TOP1: variants seen among roughly 807,000 people sequenced by gnomAD.
The protein encoded by TOP1 is DNA topoisomerase I.
In TOP1, 10 loss-of-function variants were observed where a neutral mutation model predicts 111.1. The observed-to-expected ratio is 0.09, with a 90% confidence interval of 0.06 to 0.15. The LOEUF (loss-of-function observed/expected upper bound fraction) is 0.15, where lower values mean the gene tolerates loss of function less well. Ranked by LOEUF, TOP1 falls within the 10% of genes least tolerant of loss-of-function variation. The probability of loss-of-function intolerance (pLI) is 1.00; values close to 1 mark genes in which losing one functional copy is unlikely to be tolerated. For synonymous variants in TOP1, 271 were observed against 302.9 expected (o/e 0.89, Z 1.10); for missense variants, 474 against 926.7 (o/e 0.51, Z 6.34).
In TOP1 at chr20:41,095,349, T is replaced by A. The variant is rs1352365273; in HGVS notation, c.731-1871T>A. Among the ~76,000 whole-genome samples, 3 of 151,606 alleles carry A rather than the reference T, an allele frequency of 2.0e-5. No homozygotes were observed. The highest frequency in any genetic ancestry group is 4.4e-5 in the Non-Finnish European group (3 of 67,894). ...ATGTGAACCACCATGCTCAGCCACA[T>A]TTTTTTTTAAATGGTGTTAACAGTT... On this transcript the variant is annotated intron_variant, in intron 9 of 20. Transcript: ENST00000361337. This position sits in a 1 kb window ranked among gnomAD's most constrained non-coding sequence, Gnocchi z 4.6.
At position 41,080,030 on chromosome 20, in the gene TOP1, A is replaced by G. The variant is rs150783821; in HGVS notation, c.336-55A>G. 221 of 1,020,260 alleles carry G rather than the reference A, an allele frequency of 2.2e-4. No individual in the cohort carries two copies. Among genetic ancestry groups the G allele is most frequent in the Middle Eastern group, 1.9e-3 (7 of 3,640 alleles). The allele number at this position is 1,020,260 out of a possible 1,614,324, so 63.2% of individuals were successfully genotyped here. On this transcript the variant is annotated intron_variant, in intron 5 of 20. Transcript: ENST00000361337. The surrounding 1 kb of genome is among the most constrained non-coding windows in gnomAD (Gnocchi z 5.0). ...ACGAAATGACATATTCCTTCTTTGTATTAATAGAATACAGATGTTCTAGCA... is the reference window on the plus strand; with the variant it reads ...ACGAAATGACATATTCCTTCTTTGTGTTAATAGAATACAGATGTTCTAGCA...
At chr20:41,120,943 G>A (rs868799753) in intron 18 of TOP1, among the ~76,000 whole-genome samples, 7 of 152,062 alleles carry the variant, frequency 4.6e-5, no homozygotes, top group Non-Finnish European at 8.8e-5. Context: ...GGGTTTCACC[G>A]TGTTAGCCAG....
intron 2 of TOP1, among the ~76,000 whole-genome samples, chr20:41,056,340 T>C (rs935656239): frequency 6.6e-6 from 1 of 152,182 alleles, no homozygotes; most frequent in African/African-American, 2.4e-5. Flanking sequence ...TTCTCAGCAG[T>C]AATATAAATT....
rs1232433760 is a variant in TOP1, at chr20:41,078,226, C to T, written c.335+589C>T. 6.6e-6 allele frequency among the ~76,000 whole-genome samples: 1 copy of T among 152,124 alleles called. No individual in the cohort carries two copies. The highest frequency in any genetic ancestry group is 2.4e-5 in the African/African-American group (1 of 41,440). Reference sequence around the variant, plus strand: ...GAAAATGCGCAAAATCTAGAGGTTACTTCCTATACTGTTTTTACCTTTATA... The same window carrying T: ...GAAAATGCGCAAAATCTAGAGGTTATTTCCTATACTGTTTTTACCTTTATA... On this transcript the variant is annotated intron_variant, in intron 5 of 20. Transcript: ENST00000361337. This position sits in a 1 kb window ranked among gnomAD's most constrained non-coding sequence, Gnocchi z 5.3.
intron 13 of TOP1, among the ~76,000 whole-genome samples, chr20:41,104,037 T>A (rs1203510000): frequency 6.6e-6 from 1 of 152,152 alleles, no homozygotes; most frequent in South Asian, 2.1e-4. Flanking sequence ...TCAAGACAAC[T>A]CCACTGTTCA....
At position 41,098,164 on chromosome 20, in the gene TOP1, T is replaced by C. The variant is rs780248891; in HGVS notation, c.853-51T>C. The C allele has an allele frequency of 7.5e-6, 12 of 1,590,518 alleles. No homozygotes were observed. In the African/African-American group the frequency reaches 9.4e-5, roughly 12 times the overall value. ...ATTTGCAAAGAAACCCAAGGACTTATTAGTGTATTTTCGTTGTTTTTCTTT... is the reference window on the plus strand; with the variant it reads ...ATTTGCAAAGAAACCCAAGGACTTACTAGTGTATTTTCGTTGTTTTTCTTT... On this transcript the variant is annotated intron_variant, in intron 10 of 20. Transcript: ENST00000361337. The surrounding 1 kb of genome is among the most constrained non-coding windows in gnomAD (Gnocchi z 5.7).
At chr20:41,037,348 A>G (rs2033202381) in intron 2 of TOP1, among the ~76,000 whole-genome samples, 1 of 152,226 alleles carries the variant, frequency 6.6e-6, no homozygotes, top group African/African-American at 2.4e-5. Flanking sequence ...TTTTAAAACC[A>G]CAAAATTCAA....
At chr20:41,068,829 A>T (rs938260152) in intron 3 of TOP1, among the ~76,000 whole-genome samples, 9 of 152,232 alleles carry the variant, frequency 5.9e-5, no homozygotes, top group African/African-American at 1.7e-4. Context: ...CTTTAATAGT[A>T]GATCTCTTGT....
intron 3 of TOP1, among the ~76,000 whole-genome samples, chr20:41,066,212 A>G (rs1201072274): frequency 2.0e-5 from 3 of 152,096 alleles, no homozygotes; most frequent in Non-Finnish European, 4.4e-5. Context: ...GCTTTGAGAC[A>G]TATAAGTTTG....
In TOP1 at chr20:41,098,389, C is replaced by T. The variant is rs2034011421; in HGVS notation, c.975+52C>T. The T allele has an allele frequency of 1.3e-6, 2 of 1,578,578 alleles. No individual in the cohort carries two copies. The highest frequency in any genetic ancestry group is 1.4e-5 in the African/African-American group (1 of 73,446). On this transcript the variant is annotated intron_variant, in intron 11 of 20. Coordinates refer to ENST00000361337, the MANE Select transcript of TOP1 (RefSeq NM_003286.4). The surrounding 1 kb of genome is among the most constrained non-coding windows in gnomAD (Gnocchi z 5.7). ...GAGAATTCTGGAATTGTGATTGGTT[C>T]ATTTAACTTTCTTCTTGGTTCTTAT... is the stretch of plus-strand genomic sequence containing the variant.
intron 13 of TOP1, among the ~76,000 whole-genome samples, chr20:41,108,426 A>T (rs1345429769): frequency 6.6e-6 from 1 of 152,170 alleles, no homozygotes; most frequent in South Asian, 2.1e-4. Flanking sequence ...CTTTTTATGT[A>T]TCCTGTCTTT....
Position 41,046,697 on chromosome 20 carries a change from A to T in TOP1, c.59-14697A>T, listed in dbSNP as rs1205313530. 6.6e-6 allele frequency among the ~76,000 whole-genome samples: 1 copy of T among 152,244 alleles called. No homozygotes were observed. Among genetic ancestry groups the T allele is most frequent in the East Asian group, 1.9e-4 (1 of 5,206 alleles). ...ATTCAAGAAAAAGGATCTTTTTGTTAACTAAGGATTAACTAGAAACCTTAT... is the reference window on the plus strand; with the variant it reads ...ATTCAAGAAAAAGGATCTTTTTGTTTACTAAGGATTAACTAGAAACCTTAT... On this transcript the variant is annotated intron_variant, in intron 2 of 20. Transcript: ENST00000361337. The surrounding 1 kb of genome is among the most constrained non-coding windows in gnomAD (Gnocchi z 4.3).
Position 41,116,217 on chromosome 20 carries a change from G to A in TOP1, c.1708-61G>A. ...CTGCACTGGCATAAATTACTCCTAG[G>A]GCTGCCAGAAGGAGCAGGTAGTATA... On this transcript the variant is annotated intron_variant, in intron 16 of 20. Transcript: ENST00000361337. The surrounding 1 kb of genome is among the most constrained non-coding windows in gnomAD (Gnocchi z 5.6). 9.1e-7 allele frequency: 1 copy of A among 1,093,894 alleles called. No homozygotes were observed. The highest frequency in any genetic ancestry group is 1.4e-6 in the Non-Finnish European group (1 of 717,060). The allele number at this position is 1,093,894 out of a possible 1,614,324, so 67.8% of individuals were successfully genotyped here. A position where few individuals can be genotyped will look rare whatever the true frequency, so the allele number is the denominator to read the frequency against.
chr20:41,123,283 G>C lies in TOP1; in HGVS notation c.2284G>C (p.Asp762His). ...CTGGGCCATTGACATGGCTGATGAA[G>C]ACTATGAGTTTTAGCCAGTCTCAAG... ...FAWAIDMADE[D>H]YEF The change falls in exon 21 of 21, where the codon GAC becomes CAC. Residue 762 changes from aspartate (D) to histidine (H), a missense_variant. Coordinates refer to ENST00000361337, the MANE Select transcript of TOP1 (RefSeq NM_003286.4). The surrounding 1 kb of genome is among the most constrained non-coding windows in gnomAD (Gnocchi z 5.8). 6.2e-7 allele frequency: 1 copy of C among 1,613,142 alleles called. No individual in the cohort carries two copies. Among genetic ancestry groups the C allele is most frequent in the Non-Finnish European group, 8.5e-7 (1 of 1,179,130 alleles).
chr20:41,072,605 G>T (rs6129747), intron 3 of TOP1: 2 of 985,420 alleles, frequency 2.0e-6, no homozygotes, highest in Non-Finnish European at 1.2e-6. Flanking sequence ...CACATTCCTA[G>T]GAAAGATTGG....
chr20:41,124,477 C>G lies in TOP1; in HGVS notation c.*1180C>G. Reference sequence around the variant, plus strand: ...GGTTATTTAAAATAAATTCCTACAACTTAATGGAAACTTAAGTGTCTGCCT... The same window carrying G: ...GGTTATTTAAAATAAATTCCTACAAGTTAATGGAAACTTAAGTGTCTGCCT... On this transcript the variant is annotated 3_prime_UTR_variant, in exon 21 of 21. Coordinates refer to ENST00000361337, the MANE Select transcript of TOP1 (RefSeq NM_003286.4). The surrounding 1 kb of genome is among the most constrained non-coding windows in gnomAD (Gnocchi z 5.4). 8.7e-6 allele frequency: 2 copies of G among 229,382 alleles called. No homozygotes were observed. Among genetic ancestry groups the G allele is most frequent in the Non-Finnish European group, 1.7e-5 (2 of 115,354 alleles). The allele number at this position is 229,382 out of a possible 1,614,324, so 14.2% of individuals were successfully genotyped here.
chr20:41,113,936 A>T lies in TOP1; in HGVS notation c.1453-34A>T, dbSNP rs768912471. On this transcript the variant is annotated intron_variant, in intron 14 of 20. Coordinates refer to ENST00000361337, the MANE Select transcript of TOP1 (RefSeq NM_003286.4). ...ATTGTGTAAGGATCATGTCTCTTCC[A>T]TTCATGCTCATCTTTTCTTTCTTTC... 16 of 1,547,304 alleles carry T rather than the reference A, an allele frequency of 1.0e-5. No individual in the cohort carries two copies. The African/African-American group carries it at 2.2e-4, about 21-fold the overall frequency.
chr20:41,092,758 A>T lies in TOP1; in HGVS notation c.730+171A>T, dbSNP rs2033934971. ...ATCAGGTGTTAACTCTTAAAGGCTC[A>T]TTTGCTGCTGAAAAAGTGCCATGGA... On this transcript the variant is annotated intron_variant, in intron 9 of 20. Coordinates refer to ENST00000361337, the MANE Select transcript of TOP1 (RefSeq NM_003286.4). The surrounding 1 kb of genome is among the most constrained non-coding windows in gnomAD (Gnocchi z 4.3). 1.3e-5 allele frequency among the ~76,000 whole-genome samples: 2 copies of T among 152,198 alleles called. No homozygotes were observed. Among genetic ancestry groups the T allele is most frequent in the Admixed American group, 1.3e-4 (2 of 15,280 alleles).
chr20:41,058,575 A>C lies in TOP1; in HGVS notation c.59-2819A>C, dbSNP rs1361270976. 6.6e-6 allele frequency among the ~76,000 whole-genome samples: 1 copy of C among 152,208 alleles called. No homozygotes were observed. The highest frequency in any genetic ancestry group is 1.5e-5 in the Non-Finnish European group (1 of 68,028). ...TGACAGTGTGTCACTGGCCTCCCCC[A>C]GAGCAAGGAGAGAGCAGGAAGGAAG... On this transcript the variant is annotated intron_variant, in intron 2 of 20. Transcript: ENST00000361337. The surrounding 1 kb of genome is among the most constrained non-coding windows in gnomAD (Gnocchi z 4.2).
Sources: gnomAD v4.1 joint callset for allele counts (sites outside exome capture counted in the v4.1 genomes callset) on GRCh38, gnomAD v4.1.1 for gene constraint, Gnocchi (gnomAD v3.1) non-coding constraint, MANE v1.5 for transcripts, NCBI Gene and HGNC (gene_info 2026-07-23, HGNC 2026-07-21) for gene names.